Variants in DRGX observed in about 807,000 individuals in gnomAD.
DRGX encodes the protein dorsal root ganglia homeobox protein.
In DRGX, 21 loss-of-function variants were observed where a neutral mutation model predicts 28.6. The ratio of observed to expected loss-of-function variants is 0.73; its 90% confidence interval spans 0.52 to 1.06. The LOEUF (loss-of-function observed/expected upper bound fraction) is 1.06, where lower values mean the gene tolerates loss of function less well. Among genes scored for constraint, DRGX ranks in the 50% least tolerant of loss-of-function variants. The pLI is 0.00. For missense variants in DRGX, 354 were observed against 343.9 expected (o/e 1.03, Z -0.23); for synonymous variants, 136 against 139.1 (o/e 0.98, Z 0.16).
At chr10:49,383,597 T>C in intron 6 of DRGX, among the ~76,000 whole-genome samples, 1 of 152,226 alleles carries the variant, frequency 6.6e-6, no homozygotes, top group Non-Finnish European at 1.5e-5. Context: ...GACAGAATGC[T>C]TGTGTGTCCC....
intron 6 of DRGX, among the ~76,000 whole-genome samples, chr10:49,380,464 A>G (rs1849762658): frequency 6.6e-6 from 1 of 152,160 alleles, no homozygotes; most frequent in Admixed American, 6.5e-5. Flanking sequence ...GCCTAAGAAA[A>G]TTCTTTGTAT....
chr10:49,387,829 A>C (rs755206867), intron 4 of DRGX, among the ~76,000 whole-genome samples: 6 of 152,206 alleles, frequency 3.9e-5, no homozygotes, highest in Non-Finnish European at 7.4e-5. Flanking sequence ...GAGAAAATTA[A>C]GTGCAGTGAG....
chr10:49,384,311 G>A lies in DRGX; in HGVS notation c.526+2167C>T, dbSNP rs140886795. On this transcript the variant is annotated intron_variant, in intron 6 of 6. Coordinates refer to ENST00000374139, the MANE Select transcript of DRGX (RefSeq NM_001276451.2). Reference sequence around the variant, plus strand: ...CCTGGCTCTGGAAACACGGTATGTCGCCGACCTCAAGGGCCCGCCATGCCC... The same window carrying A: ...CCTGGCTCTGGAAACACGGTATGTCACCGACCTCAAGGGCCCGCCATGCCC... Among the ~76,000 whole-genome samples the A allele has an allele frequency of 7.0e-3, 1,059 of 152,256 alleles. 6 individuals are homozygous for A. Among genetic ancestry groups the A allele is most frequent in the African/African-American group, 0.024 (989 of 41,544 alleles).
In DRGX at chr10:49,395,536, G is replaced by T; in HGVS notation, c.-81-15C>A. ...CTCCTGCCTGGCTGCAAAGCAAACAGCGATAGAGCTTCAAGTCTCCCTCTG... is the reference window on the plus strand; with the variant it reads ...CTCCTGCCTGGCTGCAAAGCAAACATCGATAGAGCTTCAAGTCTCCCTCTG... On this transcript the variant is annotated splice_polypyrimidine_tract_variant and intron_variant, in intron 1 of 6. Transcript: ENST00000374139. The T allele has an allele frequency of 4.3e-6, 6 of 1,403,916 alleles. No individual in the cohort carries two copies. The highest frequency in any genetic ancestry group is 5.9e-6 in the Non-Finnish European group (6 of 1,020,098). The allele number at this position is 1,403,916 out of a possible 1,614,324, so 87.0% of individuals were successfully genotyped here.
At chr10:49,374,902 A>G (rs989732566) in intron 6 of DRGX, among the ~76,000 whole-genome samples, 2 of 152,244 alleles carry the variant, frequency 1.3e-5, no homozygotes, top group African/African-American at 4.8e-5. Context: ...AAATGAATAC[A>G]TGGATTTATG....
chr10:49,394,573 C>T (rs1461018570), intron 2 of DRGX, among the ~76,000 whole-genome samples: 1 of 152,222 alleles, frequency 6.6e-6, no homozygotes, highest in African/African-American at 2.4e-5. Flanking sequence ...CACCTGATGG[C>T]TACTAATTGG....
chr10:49,381,141 G>A (rs934414722), intron 6 of DRGX, among the ~76,000 whole-genome samples: 1 of 152,332 alleles, frequency 6.6e-6, no homozygotes, highest in African/African-American at 2.4e-5. Flanking sequence ...CAGAATTAAA[G>A]GAGAAAATCC....
chr10:49,391,124 G>A (rs1849898658), intron 3 of DRGX, 40 bp downstream of exon 3: 2 of 1,595,308 alleles, frequency 1.3e-6, no homozygotes, highest in South Asian at 1.1e-5. Context: ...GGGGGAGGTA[G>A]GAAGTAGCTG....
At chr10:49,378,148 T>C (rs74977611) in intron 6 of DRGX, among the ~76,000 whole-genome samples, 2,006 of 152,240 alleles carry the variant, frequency 0.013, 46 homozygotes, top group African/African-American at 0.044. Context: ...GAAGAAGTGA[T>C]GAAATTCAAT....
intron 2 of DRGX, chr10:49,392,009 C>T: frequency 2.6e-6 from 1 of 380,838 alleles, no homozygotes; most frequent in Middle Eastern, 4.1e-4. Context: ...CTTCTACTTC[C>T]CCACAAAAGA....
chr10:49,369,580 C>A (rs1293872995), intron 6 of DRGX, among the ~76,000 whole-genome samples: 1 of 152,072 alleles, frequency 6.6e-6, no homozygotes, highest in Admixed American at 6.5e-5. Flanking sequence ...TAGAATGACA[C>A]GGACCTGGGG....
intron 4 of DRGX, among the ~76,000 whole-genome samples, chr10:49,388,397 G>C (rs1049194077): frequency 6.6e-6 from 1 of 152,236 alleles, no homozygotes; most frequent in African/African-American, 2.4e-5. Flanking sequence ...CTGGGTCCTT[G>C]AGGCTGAGCC....
Position 49,385,729 on chromosome 10 carries a change from C to A in DRGX, c.526+749G>T, listed in dbSNP as rs571944260. On this transcript the variant is annotated intron_variant, in intron 6 of 6. Transcript: ENST00000374139. ...AGAAAAAAAAGCCTACAGCCTGCACCTATGCCTCCACCTCCCAGACCCCCT... is the reference window on the plus strand; with the variant it reads ...AGAAAAAAAAGCCTACAGCCTGCACATATGCCTCCACCTCCCAGACCCCCT... Among the ~76,000 whole-genome samples the A allele has an allele frequency of 3.3e-5, 5 of 152,230 alleles. No individual in the cohort carries two copies. The East Asian group carries it at 7.8e-4, about 24-fold the overall frequency.
At chr10:49,381,808 C>T (rs560451804) in intron 6 of DRGX, among the ~76,000 whole-genome samples, 3 of 152,148 alleles carry the variant, frequency 2.0e-5, no homozygotes, top group Admixed American at 6.5e-5. Flanking sequence ...GGGCTGGGCC[C>T]GAACCTCCGT....
intron 6 of DRGX, among the ~76,000 whole-genome samples, chr10:49,372,897 A>C (rs1164024014): frequency 6.6e-6 from 1 of 152,190 alleles, no homozygotes; most frequent in East Asian, 1.9e-4. Context: ...TAAGCCAAAC[A>C]AACTTTCAAA....
At chr10:49,393,103 C>T (rs1849928106) in intron 2 of DRGX, among the ~76,000 whole-genome samples, 1 of 151,860 alleles carries the variant, frequency 6.6e-6, no homozygotes, top group Admixed American at 6.6e-5. Flanking sequence ...AAAAAAAGTG[C>T]TTCTGGAAAT....
At chr10:49,382,228 C>A (rs931472253) in intron 6 of DRGX, among the ~76,000 whole-genome samples, 1 of 152,170 alleles carries the variant, frequency 6.6e-6, no homozygotes, top group Non-Finnish European at 1.5e-5. Flanking sequence ...ACATCAGGAA[C>A]CTGAGGACAG....
intron 6 of DRGX, among the ~76,000 whole-genome samples, chr10:49,377,423 A>G (rs552601582): frequency 1.3e-4 from 20 of 152,280 alleles, no homozygotes; most frequent in Middle Eastern, 3.4e-3. Flanking sequence ...TCTTCAATGG[A>G]CCACACCTCC....
At chr10:49,394,617 T>G (rs1167782163) in intron 2 of DRGX, among the ~76,000 whole-genome samples, 2 of 152,190 alleles carry the variant, frequency 1.3e-5, no homozygotes, top group Non-Finnish European at 2.9e-5. Flanking sequence ...CTTGGATCCC[T>G]CGGGTCCTGA....
Sources: gnomAD v4.1 joint callset for allele counts (sites outside exome capture counted in the v4.1 genomes callset) on GRCh38, gnomAD v4.1.1 for gene constraint, MANE v1.5 for transcripts, NCBI Gene and HGNC (gene_info 2026-07-23, HGNC 2026-07-21) for gene names.